The following ATP5MF variants were observed in gnomAD, a reference collection of about 807,000 sequenced individuals.
ATP5MF encodes ATP synthase F(0) complex subunit f, mitochondrial.
A neutral mutation model predicts 13.8 loss-of-function variants in ATP5MF; 10 were observed. The ratio of observed to expected loss-of-function variants is 0.72; its 90% CI spans 0.45 to 1.23. ATP5MF has a LOEUF of 1.23. Among genes scored for constraint, ATP5MF ranks in the 50% most tolerant of loss-of-function variants. The pLI, the probability that ATP5MF is intolerant of heterozygous loss-of-function variation, is 0.00. For synonymous variants in ATP5MF, 40 were observed against 45.8 expected (o/e 0.87, Z 0.51); for missense variants, 122 against 118.2 (o/e 1.03, Z -0.15).
rs562218584 is a variant in ATP5MF at position 99,460,865 on chromosome 7, G to A, written c.32-672C>T. On this transcript the variant is annotated intron_variant, in intron 1 of 3. Transcript: ENST00000292475. ...GCAGACTCACCAGATGGGCCAGCCC[G>A]AGCAAGTATAATGAAAGAAACCCAA... Among the ~76,000 whole-genome samples, 17 of 152,286 alleles carry A rather than the reference G, an allele frequency of 1.1e-4. No homozygotes were observed. In the South Asian group the frequency reaches 2.7e-3, roughly 24 times the overall value.
intron 1 of ATP5MF, chr7:99,460,488 C>A (rs751948822): frequency 1.6e-6 from 1 of 630,308 alleles, no homozygotes; most frequent in East Asian, 3.5e-5. Context: ...AGTAACGTGG[C>A]GGACAGGAAA....
Position 99,460,078 on chromosome 7 carries a change from G to A in ATP5MF, c.139+8C>T, listed in dbSNP as rs2293256. The A allele has an allele frequency of 0.05, 79,739 of 1,609,356 alleles. 3,197 individuals carry two copies. The highest frequency in any genetic ancestry group is 0.21 in the African/African-American group (15,449 of 74,640). ...GCTTTCATTTACAGACATCCACAAG[G>A]CTCTGACCTCTTTGAAACGCTCCGA... is the stretch of plus-strand genomic sequence containing the variant. On this transcript the variant is annotated splice_region_variant and intron_variant, in intron 2 of 3. Coordinates refer to ENST00000292475, the MANE Select transcript of ATP5MF (RefSeq NM_004889.5).
intron 1 of ATP5MF, among the ~76,000 whole-genome samples, chr7:99,464,912 G>A (rs1475309961): frequency 1.3e-5 from 2 of 151,272 alleles, no homozygotes. Context: ...AGGTTGCAGA[G>A]ACGAGATCAG....
chr7:99,465,857 G>C, intron 1 of ATP5MF, among the ~76,000 whole-genome samples: 1 of 152,244 alleles, frequency 6.6e-6, no homozygotes, highest in East Asian at 1.9e-4. Flanking sequence ...GTGGCCCAAG[G>C]CGGCGCATTC....
intron 1 of ATP5MF, among the ~76,000 whole-genome samples, chr7:99,465,740 T>C (rs1232971362): frequency 6.6e-6 from 1 of 152,210 alleles, no homozygotes; most frequent in Admixed American, 6.5e-5. Flanking sequence ...TCATCTGAGC[T>C]TAAGCCTTGG....
At chr7:99,459,122 G>A in intron 3 of ATP5MF, 25 bp downstream of exon 3, 5 of 1,577,462 alleles carry the variant, frequency 3.2e-6, no homozygotes, top group Non-Finnish European at 4.4e-6. Context: ...GGGAACTAAA[G>A]GCAAGACGCC....
At chr7:99,459,456 CTATAAGCACA>C (rs1485570328) in intron 2 of ATP5MF, among the ~76,000 whole-genome samples, 193 bp from the exon 3 acceptor site, 1 of 152,224 alleles carries the variant, frequency 6.6e-6, no homozygotes, top group African/African-American at 2.4e-5. Context: ...ATAGCCTGAA[CTATAAGCACA>C]TACCAGCTCC....
Position 99,458,342 on chromosome 7 carries a change from G to T in ATP5MF, c.270C>A (p.Leu90=). 6.2e-7 allele frequency: 1 copy of T among 1,609,172 alleles called. No homozygotes were observed. The change falls in exon 4 of 4, where the codon CTC becomes CTA. Residue 90 remains leucine, a synonymous_variant. Coordinates refer to ENST00000292475, the MANE Select transcript of ATP5MF (RefSeq NM_004889.5). ...TGTGTCCTCTTCAGTGGTATTTGCG[G>T]AGCCGCTCGTGCTCTGAAGTCAGGA... ...FSYKHLKHER[L]RKYH is the part of the protein sequence containing the mutation.
intron 3 of ATP5MF, 45 bp downstream of exon 3, chr7:99,459,102 A>C (rs1011949648): frequency 3.4e-6 from 5 of 1,452,738 alleles, no homozygotes; most frequent in Non-Finnish European, 4.8e-6. Flanking sequence ...AGTCACCACC[A>C]CCCTCTCATG....
chr7:99,458,799 G>T, intron 3 of ATP5MF: 1 of 313,940 alleles, frequency 3.2e-6, no homozygotes, highest in South Asian at 4.3e-5. Context: ...GCTTTTCTGG[G>T]GTACCAGATT....
chr7:99,458,406 G>A (rs1798428963), intron 3 of ATP5MF, 51 bp from the exon 4 acceptor site: 2 of 1,562,178 alleles, frequency 1.3e-6, no homozygotes, highest in Non-Finnish European at 1.7e-6. Flanking sequence ...TACAGTGAAG[G>A]CACAGCATGG....
rs1562871381 is a variant in ATP5MF, at chr7:99,460,123, G to A, written c.102C>T (p.Asp34=). Residue 34 remains aspartate, a synonymous_variant, in exon 2 of 4, where the codon GAC becomes GAT. Transcript: ENST00000292475. ...GELPSWILMR[D]FSPSGIFGAF... ...CTCCGAAAATGCCACTAGGACTGAA[G>A]TCCCGCATCAAGATCCAGCTTGGCA... The A allele has an allele frequency of 6.2e-7, 1 of 1,614,178 alleles. No individual in the cohort carries two copies. Among genetic ancestry groups the A allele is most frequent in the Non-Finnish European group, 8.5e-7 (1 of 1,180,014 alleles).
At chr7:99,460,957 T>G (rs1172377292) in intron 1 of ATP5MF, among the ~76,000 whole-genome samples, 1 of 152,018 alleles carries the variant, frequency 6.6e-6, no homozygotes, top group Non-Finnish European at 1.5e-5. Context: ...AAATAAGAGA[T>G]AACACATTCC....
intron 1 of ATP5MF, among the ~76,000 whole-genome samples, chr7:99,465,881 C>A (rs1798849569): frequency 6.6e-6 from 1 of 152,238 alleles, no homozygotes; most frequent in Admixed American, 6.5e-5. Context: ...GGCCCAGAAG[C>A]GCGTGCCCCA....
chr7:99,465,358 A>G (rs116668462), intron 1 of ATP5MF, among the ~76,000 whole-genome samples: 2 of 152,220 alleles, frequency 1.3e-5, no homozygotes, highest in African/African-American at 4.8e-5. Flanking sequence ...CAGAGAGGCC[A>G]CACCACATCC....
chr7:99,465,375 G>C (rs577256726), intron 1 of ATP5MF, among the ~76,000 whole-genome samples: 1 of 152,294 alleles, frequency 6.6e-6, no homozygotes, highest in East Asian at 1.9e-4. Flanking sequence ...ATCCCGAACA[G>C]TTATTTCCCT....
At chr7:99,466,046 C>G (rs1430681650) in intron 1 of ATP5MF, 65 bp downstream of exon 1, 2 of 1,611,830 alleles carry the variant, frequency 1.2e-6, no homozygotes, top group South Asian at 1.1e-5. Flanking sequence ...TTCCTTCTCT[C>G]CCAGTGTGGC....
At position 99,460,202 on chromosome 7, in the gene ATP5MF, G is replaced by T. The variant is rs765677994; in HGVS notation, c.32-9C>A. ...CTTGTCCTTCACTGGTACTGAAACG[G>T]AAGAGTGAGAAAAAATACCCACTGA... On this transcript the variant is annotated splice_polypyrimidine_tract_variant and intron_variant, in intron 1 of 3. Coordinates refer to ENST00000292475, the MANE Select transcript of ATP5MF (RefSeq NM_004889.5). 4 of 1,613,214 alleles carry T rather than the reference G, an allele frequency of 2.5e-6. No homozygotes were observed. The highest frequency in any genetic ancestry group is 2.5e-6 in the Non-Finnish European group (3 of 1,179,756).
In ATP5MF at chr7:99,459,137, A is replaced by T; in HGVS notation, c.256+10T>A. 6.2e-7 allele frequency: 1 copy of T among 1,604,336 alleles called. No homozygotes were observed. The highest frequency in any genetic ancestry group is 1.9e-4 in the Middle Eastern group (1 of 5,350). ...GGGAACTAAAGGCAAGACGCCGCAG[A>T]GGCACTCACTGAGATGCTTGTAGGA... On this transcript the variant is annotated intron_variant, in intron 3 of 3. Transcript: ENST00000292475.
Sources: gnomAD v4.1 joint callset for allele counts (sites outside exome capture counted in the v4.1 genomes callset) on GRCh38, gnomAD v4.1.1 for gene constraint, MANE v1.5 for transcripts, NCBI Gene and HGNC (gene_info 2026-07-23, HGNC 2026-07-21) for gene names.